The following ADAM32 variants were observed in gnomAD, a reference collection of about 807,000 sequenced individuals.
ADAM32 encodes ADAM metallopeptidase domain 32.
Under a neutral mutation model 114.9 loss-of-function variants are expected in ADAM32, and 89 were observed. The ratio of observed to expected loss-of-function variants is 0.77; its 90% CI spans 0.65 to 0.92. The LOEUF (loss-of-function observed/expected upper bound fraction) is 0.92. Ranked by LOEUF, ADAM32 falls within the 40% of genes least tolerant of loss-of-function variation. The pLI is 0.00. For missense variants in ADAM32, 870 were observed against 932.8 expected, an observed-to-expected ratio of 0.93 and a Z score of 0.88; for synonymous variants, 285 against 307.5, an observed-to-expected ratio of 0.93 and a Z score of 0.77.
At chr8:39,162,021 T>C (rs1049988771) in intron 7 of ADAM32, among the ~76,000 whole-genome samples, 4 of 147,930 alleles carry the variant, frequency 2.7e-5, no homozygotes, top group African/African-American at 9.8e-5. Flanking sequence ...TATATATATA[T>C]TTATTATACT....
chr8:39,216,706 C>T (rs1223210317), intron 12 of ADAM32, among the ~76,000 whole-genome samples: 4 of 151,966 alleles, frequency 2.6e-5, no homozygotes, highest in African/African-American at 4.8e-5. Context: ...TGTGCACAAA[C>T]AAACAAGCAA....
intron 2 of ADAM32, among the ~76,000 whole-genome samples, chr8:39,134,506 G>T (rs1802663190): frequency 6.6e-6 from 1 of 152,042 alleles, no homozygotes; most frequent in Non-Finnish European, 1.5e-5. Context: ...AGGCCTCAGA[G>T]GTTCCCTGTC....
rs529943101 is a variant in ADAM32, at chr8:39,109,559, T to TA, written c.58+1736dup. Among the ~76,000 whole-genome samples, 112 of 149,352 alleles carry TA rather than the reference T, an allele frequency of 7.5e-4. 1 individual carries two copies. Among genetic ancestry groups the TA allele is most frequent in the African/African-American group, 2.1e-3 (87 of 40,736 alleles). On this transcript the variant is annotated intron_variant, in intron 1 of 24. Coordinates refer to ENST00000379907, the MANE Select transcript of ADAM32 (RefSeq NM_145004.7). ...CAAAACTCCATCTCAAAAAATAAAATAAAAAAAAAATATTAATGAACATTA... is the reference window on the plus strand; with the variant it reads ...CAAAACTCCATCTCAAAAAATAAAATAAAAAAAAAAATATTAATGAACATTA...
chr8:39,282,353 T>C (rs895855047), intron 23 of ADAM32, among the ~76,000 whole-genome samples: 1 of 152,198 alleles, frequency 6.6e-6, no homozygotes, highest in Non-Finnish European at 1.5e-5. Context: ...TAATTCTTAG[T>C]GGTGTAACTA....
chr8:39,231,124 A>G (rs1393435627), intron 14 of ADAM32, among the ~76,000 whole-genome samples: 1 of 152,176 alleles, frequency 6.6e-6, no homozygotes. Flanking sequence ...TAAGGTCTAC[A>G]ATCAGTCAGT....
At chr8:39,241,813 G>T (rs1029755241) in intron 16 of ADAM32, among the ~76,000 whole-genome samples, 16 of 152,204 alleles carry the variant, frequency 1.1e-4, no homozygotes, top group Non-Finnish European at 1.5e-5. Context: ...CCATTGTCTT[G>T]GTGATTAACA....
At chr8:39,253,618 G>A (rs893186354) in intron 17 of ADAM32, among the ~76,000 whole-genome samples, 2 of 151,488 alleles carry the variant, frequency 1.3e-5, no homozygotes, top group African/African-American at 4.8e-5. Flanking sequence ...ATTTTTATAC[G>A]TCAAAAACAG....
intron 15 of ADAM32, among the ~76,000 whole-genome samples, chr8:39,232,359 C>T (rs1189170252): frequency 6.6e-6 from 1 of 152,086 alleles, no homozygotes; most frequent in African/African-American, 2.4e-5. Context: ...GTTTCTAAAT[C>T]CAATCCAAAG....
intron 13 of ADAM32, among the ~76,000 whole-genome samples, chr8:39,222,474 T>C (rs1205360855): frequency 2.0e-5 from 3 of 152,082 alleles, no homozygotes; most frequent in Admixed American, 6.6e-5. Flanking sequence ...TGAGATTCTT[T>C]TTGTAAATTT....
chr8:39,162,228 T>C (rs1804555921), intron 7 of ADAM32, among the ~76,000 whole-genome samples: 2 of 146,098 alleles, frequency 1.4e-5, no homozygotes, highest in Admixed American at 1.4e-4. Flanking sequence ...TTCTCGTTGT[T>C]CAATTCCCAC....
rs1840477240 is a variant in ADAM32, at chr8:39,118,720, A to G, written c.138+555A>G. Among the ~76,000 whole-genome samples, 3 of 152,318 alleles carry G rather than the reference A, an allele frequency of 2.0e-5. No individual in the cohort carries two copies. The South Asian group carries it at 6.2e-4, about 32-fold the overall frequency. On this transcript the variant is annotated intron_variant, in intron 2 of 24. Coordinates refer to ENST00000379907, the MANE Select transcript of ADAM32 (RefSeq NM_145004.7). The stretch of plus-strand genomic sequence containing the variant: ...AAGCAAGCTTTGCTTATAAGTGACC[A>G]ATCTTTTGGTAACATTCTATTTTTA...
intron 6 of ADAM32, among the ~76,000 whole-genome samples, chr8:39,153,969 G>T (rs1183269027): frequency 2.0e-5 from 3 of 150,916 alleles, no homozygotes; most frequent in African/African-American, 7.3e-5. Context: ...AGATATCATC[G>T]TTTGTCTGGA....
intron 4 of ADAM32, among the ~76,000 whole-genome samples, chr8:39,147,666 C>T (rs1803584626): frequency 6.6e-6 from 1 of 152,080 alleles, no homozygotes; most frequent in African/African-American, 2.4e-5. Context: ...CTGAGACCAC[C>T]CATTTCCAAG....
chr8:39,138,715 T>C (rs1303082224), intron 3 of ADAM32, among the ~76,000 whole-genome samples: 2 of 152,144 alleles, frequency 1.3e-5, no homozygotes, highest in Non-Finnish European at 2.9e-5. Flanking sequence ...GGTCAAATGG[T>C]ATTTCTAGTT....
At chr8:39,159,791 AT>A (rs1376714827) in intron 6 of ADAM32, among the ~76,000 whole-genome samples, 1 of 152,098 alleles carries the variant, frequency 6.6e-6, no homozygotes, top group Admixed American at 6.5e-5. Flanking sequence ...CATAACCATA[AT>A]TCTTTGAGAA....
intron 11 of ADAM32, among the ~76,000 whole-genome samples, chr8:39,202,681 ATG>A (rs1161907096): frequency 6.6e-6 from 1 of 151,996 alleles, no homozygotes; most frequent in Admixed American, 6.5e-5. Flanking sequence ...TAGCTTTTGA[ATG>A]TGTTTGCTCT....
chr8:39,137,492 G>A (rs557420423), intron 3 of ADAM32, among the ~76,000 whole-genome samples: 16 of 152,200 alleles, frequency 1.1e-4, no homozygotes, highest in Admixed American at 8.5e-4. Context: ...CAAGCTGGGC[G>A]CGGTGGCTTT....
At chr8:39,213,421 T>A (rs141197856) in intron 12 of ADAM32, among the ~76,000 whole-genome samples, 199 of 150,546 alleles carry the variant, frequency 1.3e-3, no homozygotes, top group African/African-American at 4.3e-3. Context: ...GTGCTAGCAC[T>A]AATCCCTTCC....
intron 2 of ADAM32, among the ~76,000 whole-genome samples, chr8:39,125,040 C>T (rs1012786671): frequency 3.9e-5 from 6 of 152,116 alleles, no homozygotes; most frequent in African/African-American, 1.4e-4. Flanking sequence ...AATCACCATT[C>T]TAACTAGTGT....
Sources: gnomAD v4.1 joint callset for allele counts (sites outside exome capture counted in the v4.1 genomes callset) on GRCh38, gnomAD v4.1.1 for gene constraint, MANE v1.5 for transcripts, NCBI Gene and HGNC (gene_info 2026-07-23, HGNC 2026-07-21) for gene names.